SMC2: variants seen among roughly 807,000 people sequenced by gnomAD.
SMC2 encodes structural maintenance of chromosomes 2.
Under a neutral mutation model 142.6 loss-of-function variants are expected in SMC2, and 41 were observed. The observed-to-expected ratio is 0.29, with a 90% CI of 0.22 to 0.37. The LOEUF (loss-of-function observed/expected upper bound fraction) is 0.37. SMC2 is among the 10% of genes least tolerant of loss of function. The probability of loss-of-function intolerance (pLI) is 1.00; values close to 1 mark genes in which losing one functional copy is unlikely to be tolerated. For synonymous variants in SMC2, 463 were observed against 457.5 expected (o/e 1.01, Z -0.15); for missense variants, 1,265 against 1,373.7 (o/e 0.92, Z 1.25).
chr9:104,113,246 C>T lies in SMC2; in HGVS notation c.1255-70C>T, dbSNP rs560654594. 5.1e-6 allele frequency: 6 copies of T among 1,186,100 alleles called. No individual in the cohort carries two copies. The Admixed American group carries it at 1.4e-4, about 27-fold the overall frequency. The allele number at this position is 1,186,100 out of a possible 1,614,324, so 73.5% of individuals were successfully genotyped here. On this transcript the variant is annotated intron_variant, in intron 10 of 24. Transcript: ENST00000374793. ...GTCTCTTAGTAAAACCAATCTGAAT[C>T]TTCGGCCATTTAATTACTAGCACTG...
chr9:104,095,355 G>A lies in SMC2; in HGVS notation c.-30G>A. Reference sequence around the variant, plus strand: ...TTTGTGGCCTGTTTGATTCCTGTCAGAGGTTTGCTGACCCAAGACAGTATC... The same window carrying A: ...TTTGTGGCCTGTTTGATTCCTGTCAAAGGTTTGCTGACCCAAGACAGTATC... On this transcript the variant is annotated 5_prime_UTR_variant, in exon 2 of 25. Coordinates refer to ENST00000374793, the MANE Select transcript of SMC2 (RefSeq NM_006444.3). The A allele has an allele frequency of 6.3e-7, 1 of 1,595,544 alleles. No individual in the cohort carries two copies. The highest frequency in any genetic ancestry group is 8.6e-7 in the Non-Finnish European group (1 of 1,167,572).
rs1430648534 is a variant in SMC2, at chr9:104,113,997, G to A, written c.1448G>A (p.Arg483Lys). ...NKEESLLEKR[R>K]QLSRDIGRLK... Reference sequence around the variant, plus strand: ...GAGGAAAGCCTTTTGGAAAAGCGCAGGCAGCTGTCTCGTGATATTGGTAGA... The same window carrying A: ...GAGGAAAGCCTTTTGGAAAAGCGCAAGCAGCTGTCTCGTGATATTGGTAGA... Residue 483 changes from arginine (R) to lysine (K), a missense_variant, in exon 12 of 25, where the codon AGG becomes AAG. By Grantham distance (26) the Arg-to-Lys change is conservative. Coordinates refer to ENST00000374793, the MANE Select transcript of SMC2 (RefSeq NM_006444.3). 2 of 1,593,674 alleles carry A rather than the reference G, an allele frequency of 1.3e-6. No individual in the cohort carries two copies. Among genetic ancestry groups the A allele is most frequent in the East Asian group, 4.5e-5 (2 of 44,108 alleles).
In SMC2 at chr9:104,134,943, A is replaced by T. The variant is rs190778437; in HGVS notation, c.3269+368A>T. Among the ~76,000 whole-genome samples the T allele has an allele frequency of 2.1e-4, 32 of 152,248 alleles. No homozygotes were observed. In the East Asian group the frequency reaches 5.4e-3, roughly 26 times the overall value. ...AGTAGTATCACTAAGTTAAAAAGAC[A>T]GATTAGAATTTTGCAAAGCCCTAGA... On this transcript the variant is annotated intron_variant, in intron 23 of 24. Transcript: ENST00000374793.
At chr9:104,105,840 T>A (rs1377031657) in intron 9 of SMC2, among the ~76,000 whole-genome samples, 1 of 152,140 alleles carries the variant, frequency 6.6e-6, no homozygotes, top group Non-Finnish European at 1.5e-5. Flanking sequence ...ATATCTAACA[T>A]CTTATCATGT....
rs140049238 is a variant in SMC2 at position 104,100,147 on chromosome 9, A to C, written c.535A>C (p.Ile179Leu). Residue 179 changes from isoleucine (I) to leucine (L), a missense_variant, in exon 6 of 25, where the codon ATA becomes CTA. Around this residue, in one of 4 missense-constraint regions of SMC2, gnomAD observed 898 missense variants for 904.2 expected, o/e 0.99. Transcript: ENST00000374793. ...AACCAGGATGTATGAATACAAAAAA[A>C]TAGCTGCACAGAAAACTATAGAAAA... is the stretch of plus-strand genomic sequence containing the variant. ...AGTRMYEYKK[I>L]AAQKTIEKKE... The C allele has an allele frequency of 1.3e-6, 2 of 1,579,662 alleles. No homozygotes were observed. The highest frequency in any genetic ancestry group is 2.8e-5 in the African/African-American group (2 of 72,526).
chr9:104,113,533 A>AGCTAATTTAAATAAAGAAC, intron 11 of SMC2, 58 bp downstream of exon 11: 2 of 1,390,322 alleles, frequency 1.4e-6, no homozygotes, highest in Non-Finnish European at 1.9e-6. Context: ...TTTGATAAAA[A>AGCTAATTTAAATAAAGAAC]GCTAATTTAA....
Position 104,134,431 on chromosome 9 carries a change from G to T in SMC2, c.3125G>T (p.Gly1042Val). ...IAWQKVNKDF[G>V]SIFSTLLPGA... The stretch of plus-strand genomic sequence containing the variant: ...TAAATCCAGGTGAACAAGGACTTTG[G>T]GTCTATTTTTTCTACTCTTTTGCCT... The change falls in exon 23 of 25, where the codon GGG (glycine) becomes GTG (valine). Residue 1042 changes from glycine to valine, a missense_variant. Around this residue, in one of 4 missense-constraint regions of SMC2, gnomAD observed 192 missense variants for 261.9 expected, o/e 0.73. Coordinates refer to ENST00000374793, the MANE Select transcript of SMC2 (RefSeq NM_006444.3). The T allele has an allele frequency of 6.3e-7, 1 of 1,588,480 alleles. No homozygotes were observed. Among genetic ancestry groups the T allele is most frequent in the Non-Finnish European group, 8.5e-7 (1 of 1,171,080 alleles).
rs140410923 is a variant in SMC2 at position 104,125,665 on chromosome 9, G to C, written c.2451+560G>C. Among the ~76,000 whole-genome samples, 11 of 152,142 alleles carry C rather than the reference G, an allele frequency of 7.2e-5. No homozygotes were observed. The East Asian group carries it at 2.1e-3, about 29-fold the overall frequency. On this transcript the variant is annotated intron_variant, in intron 18 of 24. Coordinates refer to ENST00000374793, the MANE Select transcript of SMC2 (RefSeq NM_006444.3). Reference sequence around the variant, plus strand: ...ATTCAGCAAGTTGACATTTTTATTTGATAAGCACCTAAATGAATGTGCACT... The same window carrying C: ...ATTCAGCAAGTTGACATTTTTATTTCATAAGCACCTAAATGAATGTGCACT...
Position 104,120,061 on chromosome 9 carries a change from G to C in SMC2, c.2031G>C (p.Lys677Asn), listed in dbSNP as rs374266125. Residue 677 changes from lysine (K) to asparagine (N), a missense_variant, in exon 16 of 25, where the codon AAG becomes AAC. By Grantham distance (94) the Lys-to-Asn change is moderately conservative (BLOSUM62 0). Coordinates refer to ENST00000374793, the MANE Select transcript of SMC2 (RefSeq NM_006444.3). ...CCCAGGCAGCTTCCATTTTAACCAAGTTTCAAGAACTCAAAGATGTTCAGG... is the reference window on the plus strand; with the variant it reads ...CCCAGGCAGCTTCCATTTTAACCAACTTTCAAGAACTCAAAGATGTTCAGG... The part of the protein sequence containing the change: ...ARSQAASILT[K>N]FQELKDVQDE... 1 of 1,613,878 alleles carries C rather than the reference G, an allele frequency of 6.2e-7. No homozygotes were observed. Among genetic ancestry groups the C allele is most frequent in the Non-Finnish European group, 8.5e-7 (1 of 1,179,914 alleles).
At chr9:104,112,005 G>A (rs1832506666) in intron 10 of SMC2, among the ~76,000 whole-genome samples, 191 bp downstream of exon 10, 2 of 152,202 alleles carry the variant, frequency 1.3e-5, no homozygotes, top group Admixed American at 1.3e-4. Context: ...TATTGGTGAT[G>A]TTAATTTGTG....
At position 104,127,404 on chromosome 9, in the gene SMC2, A is replaced by T; in HGVS notation, c.2714A>T (p.Asp905Val). The T allele has an allele frequency of 6.2e-7, 1 of 1,613,788 alleles. No individual in the cohort carries two copies. The highest frequency in any genetic ancestry group is 8.5e-7 in the Non-Finnish European group (1 of 1,179,750). ...GCAAAACACAAGGAGCAAAACAATG[A>T]TTCTCAGCTTAAAATTAAGGAATTA... ...EVAKHKEQNN[D>V]SQLKIKELDH... The change falls in exon 20 of 25, where the codon GAT (aspartate) becomes GTT (valine). Residue 905 changes from aspartate (D) to valine (V), a missense_variant. This residue lies in a region of SMC2 where 898 missense variants were observed against 904.2 expected (regional missense o/e 0.99). Coordinates refer to ENST00000374793, the MANE Select transcript of SMC2 (RefSeq NM_006444.3).
Position 104,138,176 on chromosome 9 carries a change from G to T in SMC2, c.3417+11G>T. 6.4e-7 allele frequency: 1 copy of T among 1,571,908 alleles called. No individual in the cohort carries two copies. Among genetic ancestry groups the T allele is most frequent in the Admixed American group, 1.8e-5 (1 of 55,480 alleles). On this transcript the variant is annotated intron_variant, in intron 24 of 24. Transcript: ENST00000374793. ...TTCACACATTCTCAGGTAAGAACCA[G>T]GAAAAAAAGTCTCAGTAATAGTTTA...
intron 19 of SMC2, 140 bp from the exon 20 acceptor site, chr9:104,127,146 A>C (rs1469050372): frequency 1.6e-6 from 1 of 630,028 alleles, no homozygotes; most frequent in Non-Finnish European, 2.7e-6. Flanking sequence ...GTGATATAAA[A>C]TATAGAGGGT....
rs1046347793 is a variant in SMC2 at position 104,139,560 on chromosome 9, C to T, written c.*245C>T. The T allele has an allele frequency of 4.1e-5, 13 of 314,170 alleles. No individual in the cohort carries two copies. The highest frequency in any genetic ancestry group is 2.2e-4 in the African/African-American group (10 of 45,620). 19.5% of individuals were successfully genotyped at this position (314,170 alleles called of 1,614,324 possible). ...TATCATCAAATGTTTTTTTCTTATG[C>T]GGGTCTTTTATATATTAGGGATCCT... On this transcript the variant is annotated 3_prime_UTR_variant, in exon 25 of 25. Coordinates refer to ENST00000374793, the MANE Select transcript of SMC2 (RefSeq NM_006444.3).
upstream of SMC2, among the ~76,000 whole-genome samples, chr9:104,091,814 A>G (rs1208968399): frequency 3.3e-5 from 5 of 151,596 alleles, no homozygotes; most frequent in African/African-American, 9.7e-5. Context: ...AGAGCACCAA[A>G]TATTTCTCCT....
chr9:104,093,816 G>A (rs1830157918), upstream of SMC2, among the ~76,000 whole-genome samples: 1 of 41,842 alleles, frequency 2.4e-5, no homozygotes, highest in African/African-American at 7.4e-5. Flanking sequence ...GTGCCTCTCT[G>A]GCCCCAAGAA....
Position 104,131,804 on chromosome 9 carries a change from T to C in SMC2, c.2992-205T>C, listed in dbSNP as rs574256763. Among the ~76,000 whole-genome samples, 237 of 152,120 alleles carry C rather than the reference T, an allele frequency of 1.6e-3. 1 individual carries two copies. The highest frequency in any genetic ancestry group is 1.7e-3 in the Non-Finnish European group (116 of 67,970). ...TATTCCTAATTTTGTTAAGAGTGTG[T>C]ATATGAGTGTGTATATACACACACA... On this transcript the variant is annotated intron_variant, in intron 21 of 24. Transcript: ENST00000374793.
At position 104,096,518 on chromosome 9, in the gene SMC2, A is replaced by G. The variant is rs377714681; in HGVS notation, c.318+221A>G. ...ACAGCTGAAAAGTTGTTCATCCAGT[A>G]TAAGCACTCAGCTATGCTGAAATCT... On this transcript the variant is annotated intron_variant, in intron 3 of 24. Transcript: ENST00000374793. Among the ~76,000 whole-genome samples, 17 of 152,270 alleles carry G rather than the reference A, an allele frequency of 1.1e-4. 1 individual carries two copies. In the East Asian group the frequency reaches 1.3e-3, roughly 12 times the overall value.
intron 9 of SMC2, among the ~76,000 whole-genome samples, chr9:104,103,481 C>T (rs1360435488): frequency 6.6e-6 from 1 of 152,130 alleles, no homozygotes; most frequent in African/African-American, 2.4e-5. Flanking sequence ...GAAAAGTCGT[C>T]ATTTGTGATT....
Sources: gnomAD v4.1 joint callset for allele counts (sites outside exome capture counted in the v4.1 genomes callset) on GRCh38, gnomAD v4.1.1 for gene constraint, gnomAD v4.1.1 regional missense constraint, MANE v1.5 for transcripts, NCBI Gene and HGNC (gene_info 2026-07-23, HGNC 2026-07-21) for gene names.